The following CFAP54 variants were observed in gnomAD, a reference collection of about 807,000 sequenced individuals.
The protein encoded by CFAP54 is cilia and flagella associated protein 54, also known as cilia- and flagella-associated protein 54.
Under a neutral mutation model 370.4 loss-of-function variants are expected in CFAP54, and 290 were observed. The observed-to-expected ratio is 0.78, with a 90% CI of 0.71 to 0.86. The LOEUF is 0.86. Among genes scored for constraint, CFAP54 ranks in the 40% least tolerant of loss-of-function variants. The probability of loss-of-function intolerance (pLI) is 0.00; values close to 1 mark genes in which losing one functional copy is unlikely to be tolerated. For missense variants in CFAP54, 3,399 were observed against 3,528.7 expected, an observed-to-expected ratio of 0.96 and a Z score of 0.93; for synonymous variants, 1,206 against 1,236.5, an observed-to-expected ratio of 0.98 and a Z score of 0.52.
At chr12:96,796,547 G>C (rs76037363) in intron 63 of CFAP54, among the ~76,000 whole-genome samples, 3,186 of 152,214 alleles carry the variant, frequency 0.021, 107 homozygotes, top group African/African-American at 0.072. Context: ...TTAAGCAATA[G>C]TACTAGTGTA....
intron 17 of CFAP54, among the ~76,000 whole-genome samples, chr12:96,562,902 T>C (rs1955830779): frequency 6.6e-6 from 1 of 152,242 alleles, no homozygotes; most frequent in African/African-American, 2.4e-5. Flanking sequence ...TGTGTCATCA[T>C]GTATAAATTG....
intron 36 of CFAP54, among the ~76,000 whole-genome samples, chr12:96,655,065 G>A (rs1956906599): frequency 6.6e-6 from 1 of 151,838 alleles, no homozygotes; most frequent in Non-Finnish European, 1.5e-5. Context: ...CAAATTGGAG[G>A]ATTCACTATA....
chr12:96,661,613 A>G (rs1244072169), intron 38 of CFAP54, among the ~76,000 whole-genome samples: 1 of 152,180 alleles, frequency 6.6e-6, no homozygotes, highest in Non-Finnish European at 1.5e-5. Flanking sequence ...AGTCCTGGAG[A>G]CTGCGGGCAT....
chr12:96,793,702 T>G (rs1001248112), intron 63 of CFAP54, among the ~76,000 whole-genome samples: 1 of 152,208 alleles, frequency 6.6e-6, no homozygotes, highest in African/African-American at 2.4e-5. Flanking sequence ...TTTCACCACA[T>G]CCATGCCAAC....
chr12:96,583,158 C>T (rs1026602645), intron 22 of CFAP54, among the ~76,000 whole-genome samples: 15 of 152,250 alleles, frequency 9.9e-5, no homozygotes, highest in African/African-American at 3.6e-4. Flanking sequence ...CTCTACTAGG[C>T]TTTCCCTAAA....
chr12:96,769,923 A>G (rs534587919), intron 60 of CFAP54, among the ~76,000 whole-genome samples: 27 of 152,190 alleles, frequency 1.8e-4, no homozygotes, highest in Non-Finnish European at 2.9e-4. Flanking sequence ...GCCTCTTGAA[A>G]CAGAGCAAAC....
rs576218837 is a variant in CFAP54, at chr12:96,691,062, C to G, written c.6082-66C>G. 6 of 1,408,756 alleles carry G rather than the reference C, an allele frequency of 4.3e-6. No individual in the cohort carries two copies. In the South Asian group the frequency reaches 4.9e-5, roughly 11 times the overall value. The allele number at this position is 1,408,756 out of a possible 1,614,324, so 87.3% of individuals were successfully genotyped here. On this transcript the variant is annotated intron_variant, in intron 43 of 67. Transcript: ENST00000524981. Reference sequence around the variant, plus strand: ...TTTATAAAGCAATACATGTATTTATCTTTTTTGTTTCATTATTGAAAATGC... The same window carrying G: ...TTTATAAAGCAATACATGTATTTATGTTTTTTGTTTCATTATTGAAAATGC...
rs1279399652 is a variant in CFAP54 at position 96,564,757 on chromosome 12, C to A, written c.2611C>A (p.Leu871Ile). 5 of 613,004 alleles carry A rather than the reference C, an allele frequency of 8.2e-6. No individual in the cohort carries two copies. Among genetic ancestry groups the A allele is most frequent in the Non-Finnish European group, 1.1e-5 (4 of 351,536 alleles). 38.0% of individuals were successfully genotyped at this position (613,004 alleles called of 1,614,324 possible). The change falls in exon 19 of 68, where the codon CTT (leucine) becomes ATT (isoleucine). Residue 871 changes from leucine to isoleucine, a missense_variant. Coordinates refer to ENST00000524981, the MANE Select transcript of CFAP54 (RefSeq NM_001306084.2). ...TGCAACTTCTACATCTTCATGGGAA[C>A]TTTTGATGGTAACAGTATTTCATTT... ...KDATSTSSWELLMEAYSLIQR... is the reference protein window; with the variant it reads ...KDATSTSSWEILMEAYSLIQR...
At chr12:96,864,760 TAGAC>T (rs1959961869) in intron 67 of CFAP54, among the ~76,000 whole-genome samples, 1 of 152,144 alleles carries the variant, frequency 6.6e-6, no homozygotes, top group African/African-American at 2.4e-5. Flanking sequence ...ATAACAGCCT[TAGAC>T]AGTAGCTCAA....
At chr12:96,489,983 G>T in intron 1 of CFAP54, 57 bp downstream of exon 1, 1 of 1,442,834 alleles carries the variant, frequency 6.9e-7, no homozygotes. Flanking sequence ...CCCCTGGAAA[G>T]GGCTGGAGGA....
chr12:96,792,651 A>T (rs1344157955), intron 63 of CFAP54, among the ~76,000 whole-genome samples, 152 bp downstream of exon 63: 1 of 152,212 alleles, frequency 6.6e-6, no homozygotes, highest in Non-Finnish European at 1.5e-5. Flanking sequence ...ATAAATTTGA[A>T]AATAACCAAG....
chr12:96,711,319 T>C (rs1384435432), intron 48 of CFAP54, among the ~76,000 whole-genome samples: 1 of 152,158 alleles, frequency 6.6e-6, no homozygotes, highest in Non-Finnish European at 1.5e-5. Flanking sequence ...AGTCTACCTA[T>C]AGGTTTTTCA....
At chr12:96,599,790 G>T (rs983432828) in intron 26 of CFAP54, among the ~76,000 whole-genome samples, 4 of 152,106 alleles carry the variant, frequency 2.6e-5, no homozygotes, top group African/African-American at 9.7e-5. Context: ...GTGTCTGTTG[G>T]CTGCATAAAT....
intron 67 of CFAP54, among the ~76,000 whole-genome samples, chr12:96,872,165 A>C (rs1960186814): frequency 6.6e-6 from 1 of 152,200 alleles, no homozygotes; most frequent in Non-Finnish European, 1.5e-5. Flanking sequence ...AAATAGGAAA[A>C]ACATATTAAA....
intron 37 of CFAP54, 44 bp downstream of exon 37, chr12:96,658,149 G>GAAA (rs372079822): frequency 1.5e-3 from 1,993 of 1,330,190 alleles, no homozygotes; most frequent in South Asian, 4.4e-3. Context: ...AGACTTCATT[G>GAAA]AAAAAAAAAA....
At chr12:96,621,434 C>A (rs1294639935) in intron 26 of CFAP54, among the ~76,000 whole-genome samples, 156 bp from the exon 27 acceptor site, 2 of 143,072 alleles carry the variant, frequency 1.4e-5, no homozygotes, top group African/African-American at 2.6e-5. Flanking sequence ...TGTGTTAATA[C>A]GATCTGGAGG....
intron 66 of CFAP54, among the ~76,000 whole-genome samples, chr12:96,853,520 A>G (rs1365218072): frequency 1.3e-5 from 2 of 152,186 alleles, no homozygotes; most frequent in Non-Finnish European, 2.9e-5. Flanking sequence ...TTTTCTGTCT[A>G]CATGTTATAA....
Position 96,494,871 on chromosome 12 carries a change from C to T in CFAP54, c.317+4945C>T, listed in dbSNP as rs918627162. 8.6e-5 allele frequency among the ~76,000 whole-genome samples: 13 copies of T among 152,018 alleles called. No homozygotes were observed. The East Asian group carries it at 9.7e-4, about 11-fold the overall frequency. On this transcript the variant is annotated intron_variant, in intron 1 of 67. Transcript: ENST00000524981. The stretch of plus-strand genomic sequence containing the variant: ...CCTCCCAAGTAGCTGGGACTACAGG[C>T]GCAACCTACCACGCCCAGCTAATTT...
At position 96,759,600 on chromosome 12, in the gene CFAP54, G is replaced by A. The variant is rs922604519; in HGVS notation, c.8040+2012G>A. 2.6e-5 allele frequency among the ~76,000 whole-genome samples: 4 copies of A among 152,196 alleles called. No homozygotes were observed. In the East Asian group the frequency reaches 5.8e-4, roughly 22 times the overall value. ...CATGGAAATATAACATTTGAAATAT[G>A]TCCTAATAAAGACAACACATTATAA... On this transcript the variant is annotated intron_variant, in intron 58 of 67. Coordinates refer to ENST00000524981, the MANE Select transcript of CFAP54 (RefSeq NM_001306084.2).
Sources: gnomAD v4.1 joint callset for allele counts (sites outside exome capture counted in the v4.1 genomes callset) on GRCh38, gnomAD v4.1.1 for gene constraint, MANE v1.5 for transcripts, NCBI Gene and HGNC (gene_info 2026-07-23, HGNC 2026-07-21) for gene names.